SHISA9: variants seen among roughly 807,000 people sequenced by gnomAD.
SHISA9 encodes the protein protein shisa-9.
In SHISA9, 13 loss-of-function variants were observed where a neutral mutation model predicts 38.0. The ratio of observed to expected loss-of-function variants is 0.34; its 90% CI spans 0.22 to 0.54. The LOEUF (loss-of-function observed/expected upper bound fraction) is 0.54, where lower values mean the gene tolerates loss of function less well. Among genes scored for constraint, SHISA9 ranks in the 20% least tolerant of loss-of-function variants. SHISA9 has a pLI of 0.91. For synonymous variants in SHISA9, 275 were observed against 242.0 expected (o/e 1.14, Z -1.27); for missense variants, 538 against 575.8 (o/e 0.93, Z 0.67).
At chr16:13,562,931 A>G in the SHISA9 span, 1 of 152,200 alleles carries the variant, frequency 6.6e-6, no homozygotes, top group South Asian at 2.1e-4. Flanking sequence ...CTGTAAACCA[A>G]TGTTTCTTAA....
chr16:13,301,638 G>A, the SHISA9 span, among the ~76,000 whole-genome samples: 2 of 152,120 alleles, frequency 1.3e-5, no homozygotes, highest in Non-Finnish European at 2.9e-5. Flanking sequence ...AGTTTGAAAG[G>A]GTATTTAATT....
chr16:13,072,143 G>A (rs1432647069), intron 2 of SHISA9, among the ~76,000 whole-genome samples: 1 of 152,214 alleles, frequency 6.6e-6, no homozygotes, highest in Non-Finnish European at 1.5e-5. Flanking sequence ...CTAGTGGACC[G>A]TTGGCTGGCC....
intron 2 of SHISA9, among the ~76,000 whole-genome samples, chr16:13,018,354 C>G (rs1249340128): frequency 6.6e-6 from 1 of 152,244 alleles, no homozygotes; most frequent in African/African-American, 2.4e-5. Flanking sequence ...CCTGAAGAAG[C>G]TGTCGCAATG....
chr16:12,975,323 T>G lies in SHISA9; in HGVS notation c.691+58508T>G, dbSNP rs544015028. On this transcript the variant is annotated intron_variant, in intron 2 of 4. Coordinates refer to ENST00000558583, the MANE Select transcript of SHISA9 (RefSeq NM_001145204.3). ...TTCGAGACCATCCTGGCCAACATGG[T>G]GAAACCCTGTCTCTACCAAAAATAC... 3.1e-3 allele frequency among the ~76,000 whole-genome samples: 469 copies of G among 152,024 alleles called. 3 individuals are homozygous for G. Among genetic ancestry groups the G allele is most frequent in the African/African-American group, 0.011 (439 of 41,466 alleles).
chr16:13,172,113 CTGAATATATCT>C (rs1207726406), intron 2 of SHISA9, among the ~76,000 whole-genome samples: 1 of 152,028 alleles, frequency 6.6e-6, no homozygotes, highest in Non-Finnish European at 1.5e-5. Flanking sequence ...AATGAGCTAA[CTGAATATATCT>C]TGCTTCTTTT....
chr16:13,013,867 A>G (rs1401644458), intron 2 of SHISA9, among the ~76,000 whole-genome samples: 1 of 152,028 alleles, frequency 6.6e-6, no homozygotes, highest in Non-Finnish European at 1.5e-5. Context: ...AGCTGGGACT[A>G]CAGGTGCCCG....
intron 2 of SHISA9, among the ~76,000 whole-genome samples, chr16:13,022,485 C>G (rs867862226): frequency 1.3e-5 from 2 of 152,136 alleles, no homozygotes; most frequent in African/African-American, 4.8e-5. Flanking sequence ...GCATGTGCCA[C>G]CACACCCGGC....
At chr16:13,266,153 G>A in the SHISA9 span, among the ~76,000 whole-genome samples, 471 of 152,296 alleles carry the variant, frequency 3.1e-3, 1 homozygote, top group Non-Finnish European at 5.5e-3. Flanking sequence ...ATAAAGGAAA[G>A]CAGGAGTCTC....
At chr16:13,026,852 A>G (rs2072928750) in intron 2 of SHISA9, among the ~76,000 whole-genome samples, 1 of 152,168 alleles carries the variant, frequency 6.6e-6, no homozygotes, top group Non-Finnish European at 1.5e-5. Context: ...TATTATTTCC[A>G]TTTTATAGGA....
the SHISA9 span, among the ~76,000 whole-genome samples, chr16:13,497,197 G>A: frequency 1.3e-5 from 2 of 152,010 alleles, no homozygotes; most frequent in Non-Finnish European, 2.9e-5. Flanking sequence ...GGGGTACAGT[G>A]TGATACTTTG....
At chr16:13,194,382 A>T (rs1176389209) in intron 2 of SHISA9, among the ~76,000 whole-genome samples, 1 of 152,220 alleles carries the variant, frequency 6.6e-6, no homozygotes, top group African/African-American at 2.4e-5. Context: ...CAGATTCTAG[A>T]GTCAGACTGT....
the SHISA9 span, among the ~76,000 whole-genome samples, chr16:13,446,618 A>G: frequency 6.6e-6 from 1 of 152,216 alleles, no homozygotes; most frequent in Admixed American, 6.5e-5. Context: ...TATGTATGGC[A>G]AGGCAACTTG....
the SHISA9 span, among the ~76,000 whole-genome samples, chr16:13,401,368 C>G: frequency 6.6e-6 from 1 of 152,214 alleles, no homozygotes; most frequent in Non-Finnish European, 1.5e-5. Flanking sequence ...GAGCCACGCC[C>G]TTCCCACTAT....
chr16:13,484,816 G>A, the SHISA9 span, among the ~76,000 whole-genome samples: 3 of 151,988 alleles, frequency 2.0e-5, no homozygotes, highest in South Asian at 2.1e-4. Flanking sequence ...CCAGATCTCC[G>A]GAGAACTCAC....
chr16:13,388,755 A>T, the SHISA9 span, among the ~76,000 whole-genome samples: 1 of 140,358 alleles, frequency 7.1e-6, no homozygotes. Flanking sequence ...TCTATCCTCA[A>T]TGGTTTTAGA....
At chr16:13,391,961 C>T in the SHISA9 span, among the ~76,000 whole-genome samples, 3 of 152,252 alleles carry the variant, frequency 2.0e-5, no homozygotes, top group Middle Eastern at 3.4e-3. Context: ...ATTTGGTTTG[C>T]CCCGAGTGTC....
At chr16:13,352,278 A>G in the SHISA9 span, among the ~76,000 whole-genome samples, 1 of 152,198 alleles carries the variant, frequency 6.6e-6, no homozygotes, top group South Asian at 2.1e-4. Flanking sequence ...CAGAAATAAA[A>G]ATTAGCAAAA....
At chr16:13,284,757 C>T in the SHISA9 span, among the ~76,000 whole-genome samples, 5 of 152,098 alleles carry the variant, frequency 3.3e-5, no homozygotes, top group Non-Finnish European at 7.3e-5. Flanking sequence ...GCCACCATGC[C>T]GGGCTAATTT....
intron 1 of SHISA9, among the ~76,000 whole-genome samples, chr16:12,908,022 G>T (rs2071126148): frequency 6.6e-6 from 1 of 152,200 alleles, no homozygotes; most frequent in South Asian, 2.1e-4. Flanking sequence ...CTTAATAGCT[G>T]TGTGACCTTG....
Sources: allele counts gnomAD v4.1 joint callset (sites outside exome capture counted in the v4.1 genomes callset), GRCh38; gene constraint gnomAD v4.1.1; transcripts MANE v1.5; gene names NCBI Gene and HGNC (gene_info 2026-07-23, HGNC 2026-07-21).